The following IGF1R variants were observed in gnomAD, a reference collection of about 807,000 sequenced individuals.
The protein encoded by IGF1R is insulin like growth factor 1 receptor, also known as insulin-like growth factor 1 receptor.
IGF1R carries 44 observed loss-of-function variants against 144.6 expected under a neutral mutation model. The ratio of observed to expected loss-of-function variants is 0.30; its 90% confidence interval spans 0.24 to 0.39. The LOEUF is 0.39. Among genes scored for constraint, IGF1R ranks in the 10% least tolerant of loss-of-function variants. IGF1R has a pLI of 1.00. For synonymous variants in IGF1R, 795 were observed against 722.8 expected (o/e 1.10, Z -1.60); for missense variants, 1,355 against 1,833.7 (o/e 0.74, Z 4.77).
chr15:98,924,720 C>T, intron 13 of IGF1R, 36 bp downstream of exon 13: 1 of 1,592,020 alleles, frequency 6.3e-7, no homozygotes, highest in Non-Finnish European at 8.6e-7. Flanking sequence ...CGTGGTAAAA[C>T]TGAAAGCAGG....
chr15:98,666,957 T>C (rs2141188186), intron 1 of IGF1R, among the ~76,000 whole-genome samples: 1 of 152,300 alleles, frequency 6.6e-6, no homozygotes, highest in East Asian at 1.9e-4. Context: ...TATGCGAGTA[T>C]ATGTGTGGAA....
At chr15:98,825,450 A>C (rs1048098456) in intron 2 of IGF1R, among the ~76,000 whole-genome samples, 6 of 152,234 alleles carry the variant, frequency 3.9e-5, no homozygotes, top group African/African-American at 9.6e-5. Context: ...ACCAGGCTGC[A>C]CAGCAGGAGG....
chr15:98,684,930 C>CTTTTTTTTTTTT (rs5814891), intron 1 of IGF1R, among the ~76,000 whole-genome samples: 1 of 113,438 alleles, frequency 8.8e-6, no homozygotes, highest in African/African-American at 3.1e-5. Flanking sequence ...CTTCCTTTTC[C>CTTTTTTTTTTTT]TTTTTTTTTT....
chr15:98,872,652 G>A (rs934714240), intron 2 of IGF1R, among the ~76,000 whole-genome samples: 1 of 152,128 alleles, frequency 6.6e-6, no homozygotes, highest in African/African-American at 2.4e-5. Context: ...TGTGTATACT[G>A]AGGAAAACAA....
intron 2 of IGF1R, among the ~76,000 whole-genome samples, chr15:98,880,150 T>TA (rs991455557): frequency 6.6e-6 from 1 of 152,164 alleles, no homozygotes; most frequent in African/African-American, 2.4e-5. Context: ...AAAGCTATTG[T>TA]AAAAAATGTG....
intron 1 of IGF1R, among the ~76,000 whole-genome samples, chr15:98,665,145 G>A (rs939101229): frequency 1.3e-5 from 2 of 152,064 alleles, no homozygotes; most frequent in African/African-American, 4.8e-5. Context: ...TAGAGATGGG[G>A]TTTCACCGTG....
intron 1 of IGF1R, among the ~76,000 whole-genome samples, chr15:98,664,319 A>C (rs2052673595): frequency 6.6e-6 from 1 of 152,048 alleles, no homozygotes; most frequent in Admixed American, 6.6e-5. Context: ...GTACCGGGGC[A>C]CGTTATTGAC....
chr15:98,746,056 A>G lies in IGF1R; in HGVS notation c.640+37949A>G, dbSNP rs146235592. On this transcript the variant is annotated intron_variant, in intron 2 of 20. Coordinates refer to ENST00000650285, the MANE Select transcript of IGF1R (RefSeq NM_000875.5). ...TCTGCTGCTGAGAGAAACCACAAGT[A>G]TGCCCTGCACCCCTGTGAATAGATC... Among the ~76,000 whole-genome samples the G allele has an allele frequency of 2.5e-3, 376 of 152,356 alleles. 8 individuals carry two copies. The highest frequency in any genetic ancestry group is 0.02 in the Admixed American group (299 of 15,308).
intron 2 of IGF1R, among the ~76,000 whole-genome samples, chr15:98,806,963 C>G (rs1032167940): frequency 6.6e-6 from 1 of 152,000 alleles, no homozygotes; most frequent in African/African-American, 2.4e-5. Context: ...GAGTTCAAGA[C>G]CAACCTGGGC....
intron 2 of IGF1R, among the ~76,000 whole-genome samples, chr15:98,837,021 G>A (rs1231224112): frequency 6.6e-6 from 1 of 152,164 alleles, no homozygotes; most frequent in Non-Finnish European, 1.5e-5. Context: ...TCTGCTTTTC[G>A]CATTGTTACT....
At chr15:98,878,851 C>G (rs1174655880) in intron 2 of IGF1R, among the ~76,000 whole-genome samples, 3 of 151,966 alleles carry the variant, frequency 2.0e-5, no homozygotes, top group African/African-American at 7.3e-5. Context: ...AAAAAATTAG[C>G]TGGGCGTGGT....
At chr15:98,654,545 A>T (rs1333563853) in intron 1 of IGF1R, among the ~76,000 whole-genome samples, 2 of 152,208 alleles carry the variant, frequency 1.3e-5, no homozygotes, top group African/African-American at 2.4e-5. Flanking sequence ...GTGAGGAGAC[A>T]AATCCTGAAA....
chr15:98,765,174 T>C (rs186151748), intron 2 of IGF1R, among the ~76,000 whole-genome samples: 1 of 152,314 alleles, frequency 6.6e-6, no homozygotes, highest in Non-Finnish European at 1.5e-5. Flanking sequence ...TAATAGTCCA[T>C]TGTATCCAGT....
chr15:98,708,119 G>A lies in IGF1R; in HGVS notation c.640+12G>A. On this transcript the variant is annotated intron_variant, in intron 2 of 20. Coordinates refer to ENST00000650285, the MANE Select transcript of IGF1R (RefSeq NM_000875.5). ...CCGCTGCCAGAAAAGTAAGAATGAT[G>A]CTGACTGCTGCTTTCTCTCTGCCTC... 6.2e-7 allele frequency: 1 copy of A among 1,607,102 alleles called. No individual in the cohort carries two copies. Among genetic ancestry groups the A allele is most frequent in the Non-Finnish European group, 8.5e-7 (1 of 1,175,172 alleles).
At chr15:98,765,308 CTTTTTTTTTTT>C (rs139280569) in intron 2 of IGF1R, among the ~76,000 whole-genome samples, 32 of 61,824 alleles carry the variant, frequency 5.2e-4, no homozygotes, top group African/African-American at 9.3e-4. Context: ...ATGCCAACAC[CTTTTTTTTTTT>C]TTTTTTTTTT....
chr15:98,769,203 A>G (rs2055521315), intron 2 of IGF1R, among the ~76,000 whole-genome samples: 1 of 152,234 alleles, frequency 6.6e-6, no homozygotes. Flanking sequence ...AAATAGCATC[A>G]AAGAGTAACA....
At chr15:98,886,212 T>C (rs1160299499) in intron 2 of IGF1R, among the ~76,000 whole-genome samples, 1 of 152,200 alleles carries the variant, frequency 6.6e-6, no homozygotes, top group East Asian at 1.9e-4. Context: ...TTAAAAACTC[T>C]AGAAATAATT....
At chr15:98,662,114 G>A (rs574441653) in intron 1 of IGF1R, among the ~76,000 whole-genome samples, 7 of 151,870 alleles carry the variant, frequency 4.6e-5, no homozygotes, top group Admixed American at 1.3e-4. Flanking sequence ...CAAGAAGCTG[G>A]GATTACAGGC....
chr15:98,801,271 C>T (rs769214674), intron 2 of IGF1R, among the ~76,000 whole-genome samples: 4 of 152,190 alleles, frequency 2.6e-5, no homozygotes, highest in South Asian at 2.1e-4. Flanking sequence ...TCCCCGTGAG[C>T]GGCTCTTTAT....
Sources: gnomAD v4.1 joint callset for allele counts (sites outside exome capture counted in the v4.1 genomes callset) on GRCh38, gnomAD v4.1.1 for gene constraint, MANE v1.5 for transcripts, NCBI Gene and HGNC (gene_info 2026-07-23, HGNC 2026-07-21) for gene names.